MAP3K13: variants seen among roughly 807,000 people sequenced by gnomAD.
MAP3K13 encodes the protein leucine zipper-bearing kinase.
A neutral mutation model predicts 104.0 loss-of-function variants in MAP3K13; 52 were observed. The observed-to-expected ratio is 0.50, with a 90% CI of 0.40 to 0.63. MAP3K13 has a LOEUF of 0.63. MAP3K13 is among the 20% of genes least tolerant of loss of function. The pLI, the probability that MAP3K13 is intolerant of heterozygous loss-of-function variation, is 0.00. For missense variants in MAP3K13, 914 were observed against 1,218.5 expected (o/e 0.75, Z 3.72); for synonymous variants, 394 against 442.2 (o/e 0.89, Z 1.37).
chr3:185,320,184 A>T (rs181496003), intron 2 of MAP3K13, among the ~76,000 whole-genome samples: 1 of 151,466 alleles, frequency 6.6e-6, no homozygotes, highest in Admixed American at 6.6e-5. Flanking sequence ...GGATTCAAGC[A>T]ATTCTCCTGC....
chr3:185,339,958 G>A (rs4687249), intron 2 of MAP3K13, among the ~76,000 whole-genome samples: 115,628 of 151,646 alleles, frequency 0.76, 44,789 homozygotes, highest in Middle Eastern at 0.84. Flanking sequence ...AATGGGAAAA[G>A]TTATTATTGT....
chr3:185,338,055 G>A (rs1053596736), intron 2 of MAP3K13, among the ~76,000 whole-genome samples: 2 of 152,056 alleles, frequency 1.3e-5, no homozygotes, highest in Non-Finnish European at 2.9e-5. Context: ...ATGGCCAGTC[G>A]CAGCGGCTCA....
intron 8 of MAP3K13, 41 bp from the exon 9 acceptor site, chr3:185,465,706 G>A (rs200723079): frequency 1.3e-5 from 19 of 1,418,228 alleles, no homozygotes; most frequent in South Asian, 1.0e-4. Context: ...TTTTTCTCCC[G>A]AAGTTGGTTG....
chr3:185,401,382 C>T (rs373652857), intron 1 of MAP3K13, among the ~76,000 whole-genome samples: 36 of 149,624 alleles, frequency 2.4e-4, no homozygotes, highest in East Asian at 2.4e-3. Context: ...TCTGACAGCA[C>T]TGTATCCTGC....
chr3:185,450,149 T>A lies in MAP3K13; in HGVS notation c.1169+91T>A. On this transcript the variant is annotated intron_variant, in intron 6 of 13. Transcript: ENST00000265026. The surrounding 1 kb of genome is among the most constrained non-coding windows in gnomAD (Gnocchi z 4.2). ...GGTGGAAAGAATAGGAGCTTTGGAG[T>A]AGGAGAATCTTGGGTTCAAATACTA... 1 of 1,250,396 alleles carries A rather than the reference T, an allele frequency of 8.0e-7. No individual in the cohort carries two copies. Among genetic ancestry groups the A allele is most frequent in the Non-Finnish European group, 1.1e-6 (1 of 934,104 alleles). 77.5% of individuals were successfully genotyped at this position (1,250,396 alleles called of 1,614,324 possible).
At chr3:185,433,793 G>T (rs1170963750) in intron 2 of MAP3K13, among the ~76,000 whole-genome samples, 1 of 151,972 alleles carries the variant, frequency 6.6e-6, no homozygotes, top group Non-Finnish European at 1.5e-5. Flanking sequence ...TGCAATACTC[G>T]GAATACTTTG....
chr3:185,464,625 G>A (rs944320149), intron 8 of MAP3K13, among the ~76,000 whole-genome samples: 10 of 152,192 alleles, frequency 6.6e-5, no homozygotes, highest in African/African-American at 2.2e-4. Flanking sequence ...AAAACTGTGA[G>A]TTAATTAAAC....
intron 2 of MAP3K13, among the ~76,000 whole-genome samples, chr3:185,356,788 C>G (rs138249714): frequency 6.3e-4 from 96 of 152,218 alleles, no homozygotes; most frequent in African/African-American, 2.2e-3. Context: ...ATGGGGTCAT[C>G]CCTATCTGAA....
chr3:185,418,402 G>A lies in MAP3K13; in HGVS notation c.-85-10095G>A. On this transcript the variant is annotated intron_variant, in intron 1 of 13. Transcript: ENST00000265026. The surrounding 1 kb of genome is among the most constrained non-coding windows in gnomAD (Gnocchi z 4.5). ...TGGTAGGGCTGAGGCAGCCAGGGCA[G>A]AACAGATGGCATATCGTTTTTGGGT... 6.2e-7 allele frequency: 1 copy of A among 1,607,160 alleles called. No homozygotes were observed. Among genetic ancestry groups the A allele is most frequent in the Non-Finnish European group, 8.5e-7 (1 of 1,175,418 alleles).
chr3:185,381,951 A>G (rs988538453), intron 1 of MAP3K13, among the ~76,000 whole-genome samples: 1 of 152,348 alleles, frequency 6.6e-6, no homozygotes, highest in Admixed American at 6.5e-5. Context: ...GCTTTATAGA[A>G]TGTAGCTATT....
chr3:185,428,497 GT>G lies in MAP3K13; in HGVS notation c.-81del, dbSNP rs537364464. On this transcript the variant is annotated splice_region_variant and 5_prime_UTR_variant, in exon 2 of 14. The change creates a premature stop within an existing upstream ORF in the 5' untranslated region. Transcript: ENST00000265026. Reference sequence around the variant, plus strand: ...CTTATCTCCCTCCTGTTTTTCTCAGGTTTTGGAGCCCTCTCTTAAGTCAGAA... The same window carrying G: ...CTTATCTCCCTCCTGTTTTTCTCAGGTTTGGAGCCCTCTCTTAAGTCAGAA... 8 of 1,489,118 alleles carry G rather than the reference GT, an allele frequency of 5.4e-6. No individual in the cohort carries two copies. In the Admixed American group the frequency reaches 1.7e-4, roughly 32 times the overall value. 92.2% of individuals were successfully genotyped at this position (1,489,118 alleles called of 1,614,324 possible). A position where few individuals can be genotyped will look rare whatever the true frequency, so the allele number is the denominator to read the frequency against.
intron 2 of MAP3K13, among the ~76,000 whole-genome samples, chr3:185,347,944 G>A (rs1015319034): frequency 6.6e-6 from 1 of 151,010 alleles, no homozygotes; most frequent in Non-Finnish European, 1.5e-5. Flanking sequence ...TCTGGGAGGC[G>A]GCGGTTGCAG....
intron 7 of MAP3K13, among the ~76,000 whole-genome samples, chr3:185,456,523 G>A (rs1488335110): frequency 6.7e-6 from 1 of 150,348 alleles, no homozygotes; most frequent in Non-Finnish European, 1.5e-5. Context: ...TTTGTGAAAT[G>A]AAAGAGAATA....
chr3:185,485,452 TA>T lies in MAP3K13; in HGVS notation c.*2999del, dbSNP rs908070284. On this transcript the variant is annotated 3_prime_UTR_variant, in exon 14 of 14. Transcript: ENST00000265026. ...GAACATTCCAGAAATAAACAATTCA[TA>T]AATTTTAATTGCACAGCATTCTGAG... 9.9e-5 allele frequency: 15 copies of T among 152,210 alleles called. No homozygotes were observed. The highest frequency in any genetic ancestry group is 3.1e-4 in the African/African-American group (13 of 41,458). 9.4% of individuals were successfully genotyped at this position (152,210 alleles called of 1,614,324 possible). A position where few individuals can be genotyped will look rare whatever the true frequency, so the allele number is the denominator to read the frequency against.
upstream of MAP3K13, among the ~76,000 whole-genome samples, chr3:185,362,291 A>T (rs1176124563): frequency 6.6e-6 from 1 of 152,210 alleles, no homozygotes; most frequent in Non-Finnish European, 1.5e-5. Flanking sequence ...ATAACTGAAA[A>T]GTGTAAAAAT....
intron 4 of MAP3K13, among the ~76,000 whole-genome samples, chr3:185,445,827 C>T (rs1688661794): frequency 6.6e-6 from 1 of 152,136 alleles, no homozygotes; most frequent in African/African-American, 2.4e-5. Flanking sequence ...TTCTAGTCTC[C>T]TCTCAAGTCC....
At chr3:185,388,761 A>G (rs1336994520) in intron 1 of MAP3K13, among the ~76,000 whole-genome samples, 1 of 152,218 alleles carries the variant, frequency 6.6e-6, no homozygotes, top group Non-Finnish European at 1.5e-5. Context: ...AGCTGGAGGC[A>G]TCACAAAACC....
rs1229701635 is a variant in MAP3K13, at chr3:185,382,973, C to T, written c.-86+19605C>T. Among the ~76,000 whole-genome samples, 31 of 151,678 alleles carry T rather than the reference C, an allele frequency of 2.0e-4. 1 individual carries two copies. The East Asian group carries it at 5.3e-3, about 26-fold the overall frequency. On this transcript the variant is annotated intron_variant, in intron 1 of 13. Coordinates refer to ENST00000265026, the MANE Select transcript of MAP3K13 (RefSeq NM_004721.5). Reference sequence around the variant, plus strand: ...TGCGCTGCACCCACTAACTCGTCATCTAGCATTAGGTATATCTCCCAATGC... The same window carrying T: ...TGCGCTGCACCCACTAACTCGTCATTTAGCATTAGGTATATCTCCCAATGC...
intron 7 of MAP3K13, among the ~76,000 whole-genome samples, chr3:185,452,230 T>TTTTTA (rs1421553354): frequency 6.6e-6 from 1 of 152,116 alleles, no homozygotes; most frequent in Non-Finnish European, 1.5e-5. Flanking sequence ...TTTATTTTTA[T>TTTTTA]TTTTATTTTT....
Sources: gnomAD v4.1 joint callset for allele counts (sites outside exome capture counted in the v4.1 genomes callset) on GRCh38, gnomAD v4.1.1 for gene constraint, Gnocchi (gnomAD v3.1) non-coding constraint, MANE v1.5 for transcripts, NCBI Gene and HGNC (gene_info 2026-07-23, HGNC 2026-07-21) for gene names.